The following RIN3 variants were observed in gnomAD, a reference collection of about 807,000 sequenced individuals.
RIN3 encodes the protein Ras and Rab interactor 3.
A neutral mutation model predicts 76.3 loss-of-function variants in RIN3; 54 were observed. The ratio of observed to expected loss-of-function variants is 0.71; its 90% CI spans 0.57 to 0.89. The LOEUF is 0.89. Among genes scored for constraint, RIN3 ranks in the 40% least tolerant of loss-of-function variants. The pLI, the probability that RIN3 is intolerant of heterozygous loss-of-function variation, is 0.00. For synonymous variants in RIN3, 576 were observed against 564.0 expected, an observed-to-expected ratio of 1.02 and a Z score of -0.30; for missense variants, 1,256 against 1,322.1, an observed-to-expected ratio of 0.95 and a Z score of 0.78.
chr14:92,572,877 CTTTT>C lies in RIN3; in HGVS notation c.250-4464_250-4461del, dbSNP rs763771909. ...TGTAGAAGGGTGACTCTTTTTTTTG[CTTTT>C]TTTTTTTTTTTTTTTTTTGAGATGC... On this transcript the variant is annotated intron_variant, in intron 2 of 9. Coordinates refer to ENST00000216487, the MANE Select transcript of RIN3 (RefSeq NM_024832.5). Among the ~76,000 whole-genome samples, 410 of 100,058 alleles carry C rather than the reference CTTTT, an allele frequency of 4.1e-3. 3 individuals are homozygous for C. Among genetic ancestry groups the C allele is most frequent in the East Asian group, 5.1e-3 (18 of 3,518 alleles). The allele number at this position is 100,058 out of a possible 152,430, so 65.6% of individuals were successfully genotyped here. A position where few individuals can be genotyped will look rare whatever the true frequency, so the allele number is the denominator to read the frequency against.
chr14:92,564,523 A>T (rs562498652), intron 2 of RIN3, among the ~76,000 whole-genome samples: 9 of 152,156 alleles, frequency 5.9e-5, no homozygotes, highest in Non-Finnish European at 1.3e-4. Flanking sequence ...CTCCCTTGCT[A>T]TAGACTGGAA....
intron 1 of RIN3, among the ~76,000 whole-genome samples, chr14:92,540,042 G>T (rs1897096805): frequency 6.6e-6 from 1 of 152,218 alleles, no homozygotes; most frequent in African/African-American, 2.4e-5. Context: ...GCACCTAGCT[G>T]GAGTCAGGAA....
intron 4 of RIN3, among the ~76,000 whole-genome samples, chr14:92,626,289 G>A (rs1312066842): frequency 1.3e-5 from 2 of 152,158 alleles, no homozygotes; most frequent in Non-Finnish European, 2.9e-5. Flanking sequence ...TGTCATAGCA[G>A]CCCTGTGAAT....
chr14:92,655,179 TAA>T (rs199940795), intron 6 of RIN3, among the ~76,000 whole-genome samples: 1 of 136,516 alleles, frequency 7.3e-6, no homozygotes, highest in African/African-American at 2.7e-5. Flanking sequence ...AAATAAAAGT[TAA>T]AAAAAAAAAT....
At position 92,651,925 on chromosome 14, in the gene RIN3, C is replaced by T. The variant is rs1331491985; in HGVS notation, c.876C>T (p.Cys292=). The T allele has an allele frequency of 6.5e-7, 1 of 1,536,046 alleles. No homozygotes were observed. Among genetic ancestry groups the T allele is most frequent in the Non-Finnish European group, 8.8e-7 (1 of 1,134,848 alleles). The change falls in exon 6 of 10, where the codon TGC becomes TGT. Residue 292 remains cysteine (C), a synonymous_variant. Transcript: ENST00000216487. ...CCCCAGTGCTGCCCCTGCAGCCCTGCAGCCCAGCCCAGCCCCCTGTGCTCC... is the reference window on the plus strand; with the variant it reads ...CCCCAGTGCTGCCCCTGCAGCCCTGTAGCCCAGCCCAGCCCCCTGTGCTCC... ...PPPPVLPLQP[C]SPAQPPVLPA... is the part of the protein sequence containing the mutation.
At chr14:92,651,499 A>ACCCCCCCCCCCCCCCCCCCCCC in intron 5 of RIN3, 83 bp from the exon 6 acceptor site, 1 of 431,572 alleles carries the variant, frequency 2.3e-6, no homozygotes, top group Non-Finnish European at 4.5e-6. Flanking sequence ...CCACCCGTGG[A>ACCCCCCCCCCCCCCCCCCCCCC]CCCCGCCCAC....
At chr14:92,620,056 C>T (rs148664153) in intron 4 of RIN3, among the ~76,000 whole-genome samples, 1 of 152,240 alleles carries the variant, frequency 6.6e-6, no homozygotes, top group South Asian at 2.1e-4. Context: ...AAAGGCATTA[C>T]ATTTTTCACT....
Position 92,680,562 on chromosome 14 carries a change from C to A in RIN3, c.2467+3956C>A, listed in dbSNP as rs142465295. Among the ~76,000 whole-genome samples the A allele has an allele frequency of 4.3e-3, 661 of 152,236 alleles. 10 individuals are homozygous for A. Among genetic ancestry groups the A allele is most frequent in the African/African-American group, 0.015 (627 of 41,530 alleles). ...GGGCTCCACCCTCATGACCTAATGA[C>A]CTCCCAAAGGCCCCACCTCCTAACA... On this transcript the variant is annotated intron_variant, in intron 8 of 9. Transcript: ENST00000216487.
At chr14:92,566,146 G>A (rs1366888884) in intron 2 of RIN3, among the ~76,000 whole-genome samples, 1 of 152,218 alleles carries the variant, frequency 6.6e-6, no homozygotes, top group African/African-American at 2.4e-5. Context: ...CCATAAGGAT[G>A]CTATTGTTCG....
At chr14:92,604,245 C>T (rs1244981686) in intron 3 of RIN3, among the ~76,000 whole-genome samples, 9 of 152,234 alleles carry the variant, frequency 5.9e-5, no homozygotes. Context: ...CTCCCACTCC[C>T]CAGCTGGGAA....
In RIN3 at chr14:92,546,363, G is replaced by C. The variant is rs140308470; in HGVS notation, c.45-9388G>C. On this transcript the variant is annotated intron_variant, in intron 1 of 9. Coordinates refer to ENST00000216487, the MANE Select transcript of RIN3 (RefSeq NM_024832.5). ...CATCACCTTAAATATTTATCTTTTT[G>C]CTGGGAACATTCGAACTATTCTCTA... is the stretch of plus-strand genomic sequence containing the variant. Among the ~76,000 whole-genome samples the C allele has an allele frequency of 7.7e-3, 1,174 of 152,218 alleles. 16 individuals carry two copies. The highest frequency in any genetic ancestry group is 0.026 in the African/African-American group (1,084 of 41,520).
At chr14:92,641,784 C>G (rs1887025702) in intron 5 of RIN3, among the ~76,000 whole-genome samples, 1 of 152,218 alleles carries the variant, frequency 6.6e-6, no homozygotes, top group African/African-American at 2.4e-5. Flanking sequence ...TAAGCACACC[C>G]TACCCCACCC....
intron 1 of RIN3, among the ~76,000 whole-genome samples, chr14:92,524,691 C>T (rs1352188149): frequency 1.5e-4 from 23 of 152,202 alleles, no homozygotes; most frequent in Admixed American, 1.2e-3. Context: ...AGTCCTCAGG[C>T]GTCAGAGCTT....
chr14:92,557,456 A>G (rs1897624064), intron 2 of RIN3, among the ~76,000 whole-genome samples: 1 of 152,244 alleles, frequency 6.6e-6, no homozygotes, highest in Non-Finnish European at 1.5e-5. Context: ...CTGTGGTTGC[A>G]GCGCTTGTCT....
At chr14:92,549,801 G>A (rs1897375010) in intron 1 of RIN3, among the ~76,000 whole-genome samples, 1 of 152,252 alleles carries the variant, frequency 6.6e-6, no homozygotes, top group Non-Finnish European at 1.5e-5. Flanking sequence ...TGGGCCTGCT[G>A]CTCTGAGCTC....
rs1390380420 is a variant in RIN3 at position 92,658,131 on chromosome 14, C to T, written c.2027-1030C>T. On this transcript the variant is annotated intron_variant, in intron 6 of 9. Coordinates refer to ENST00000216487, the MANE Select transcript of RIN3 (RefSeq NM_024832.5). ...TCAAGTCCTTGTTCAACCCCCAACC[C>T]ACTCCATGAGAGCCTAAGCTGGTCC... Among the ~76,000 whole-genome samples the T allele has an allele frequency of 4.6e-5, 7 of 152,336 alleles. No homozygotes were observed. The East Asian group carries it at 1.3e-3, about 29-fold the overall frequency.
At chr14:92,545,375 G>T in intron 1 of RIN3, among the ~76,000 whole-genome samples, 1 of 151,974 alleles carries the variant, frequency 6.6e-6, no homozygotes, top group South Asian at 2.1e-4. Flanking sequence ...CTCCCAAAGT[G>T]CTGGGATTAC....
At chr14:92,593,549 G>C (rs1050921074) in intron 3 of RIN3, among the ~76,000 whole-genome samples, 6 of 152,028 alleles carry the variant, frequency 3.9e-5, no homozygotes, top group African/African-American at 1.5e-4. Context: ...TGTGGGGTGG[G>C]GGGAAGGGGG....
At chr14:92,607,620 G>A (rs4904957) in intron 3 of RIN3, among the ~76,000 whole-genome samples, 75,609 of 152,002 alleles carry the variant, frequency 0.5, 19,653 homozygotes, top group Admixed American at 0.61. Flanking sequence ...AAAAAAGGAT[G>A]GGAAACTACA....
Sources: allele counts gnomAD v4.1 joint callset (sites outside exome capture counted in the v4.1 genomes callset), GRCh38; gene constraint gnomAD v4.1.1; transcripts MANE v1.5; gene names NCBI Gene and HGNC (gene_info 2026-07-23, HGNC 2026-07-21).